Variants in SEC23IP observed in about 807,000 individuals in gnomAD.
SEC23IP encodes SEC23-interacting protein.
SEC23IP carries 70 observed loss-of-function variants against 113.4 expected under a neutral mutation model. That is an observed-to-expected ratio of 0.62 (90% confidence interval 0.51 to 0.75). The LOEUF is 0.75. Among genes scored for constraint, SEC23IP ranks in the 30% least tolerant of loss-of-function variants. The probability of loss-of-function intolerance (pLI) is 0.00; values close to 1 mark genes in which losing one functional copy is unlikely to be tolerated. For missense variants in SEC23IP, 1,160 were observed against 1,204.9 expected (o/e 0.96, Z 0.55); for synonymous variants, 398 against 421.0 (o/e 0.95, Z 0.67).
chr10:119,917,307 C>A (rs1855085151), intron 8 of SEC23IP, among the ~76,000 whole-genome samples: 1 of 151,930 alleles, frequency 6.6e-6, no homozygotes, highest in Admixed American at 6.6e-5. Flanking sequence ...TCAAGCGATT[C>A]TCATGCCTCA....
At chr10:119,924,579 C>T (rs541798997) in intron 12 of SEC23IP, among the ~76,000 whole-genome samples, 49 of 151,872 alleles carry the variant, frequency 3.2e-4, no homozygotes, top group East Asian at 2.7e-3. Flanking sequence ...CCACCATGCC[C>T]GGGTAATTTT....
At chr10:119,896,752 C>G (rs985553463) in intron 1 of SEC23IP, among the ~76,000 whole-genome samples, 5 of 150,546 alleles carry the variant, frequency 3.3e-5, no homozygotes, top group African/African-American at 1.2e-4. Flanking sequence ...TCAAGTTTTT[C>G]TAAAGGATGA....
chr10:119,917,861 AG>A lies in SEC23IP; in HGVS notation c.1571del (p.Ser524IlefsTer14), dbSNP rs1212706608. Reference sequence around the variant, plus strand: ...GAATATTAAGAAAATCACTTTGCCAAGTATTGGTCGATTTCGTCACTTTACC... The same window carrying A: ...GAATATTAAGAAAATCACTTTGCCAATATTGGTCGATTTCGTCACTTTACC... ...DRNIKKITLP[S>X]IGRFRHFTNE... On this transcript the variant is annotated frameshift_variant, in exon 9 of 19. Transcript: ENST00000369075. LOFTEE classifies it high-confidence loss of function. 1 of 1,613,952 alleles carries A rather than the reference AG, an allele frequency of 6.2e-7. No individual in the cohort carries two copies. Among genetic ancestry groups the A allele is most frequent in the Non-Finnish European group, 8.5e-7 (1 of 1,179,888 alleles).
intron 15 of SEC23IP, among the ~76,000 whole-genome samples, chr10:119,931,308 C>A (rs906381741): frequency 2.7e-5 from 4 of 148,190 alleles, no homozygotes; most frequent in Admixed American, 6.8e-5. Context: ...AAAACCACTT[C>A]CTGTTTACAG....
chr10:119,920,675 T>C (rs1855224732), intron 11 of SEC23IP, among the ~76,000 whole-genome samples: 1 of 152,244 alleles, frequency 6.6e-6, no homozygotes, highest in African/African-American at 2.4e-5. Context: ...CATATGTGTA[T>C]TTTCTGTTAA....
At chr10:119,896,771 A>T in intron 1 of SEC23IP, among the ~76,000 whole-genome samples, 1 of 149,284 alleles carries the variant, frequency 6.7e-6, no homozygotes, top group African/African-American at 2.5e-5. Context: ...GAAAGATACC[A>T]CTGAGTTTTT....
chr10:119,918,475 T>C lies in SEC23IP; in HGVS notation c.1836T>C (p.Asn612=), dbSNP rs1205480013. 5.6e-6 allele frequency: 9 copies of C among 1,613,486 alleles called. No homozygotes were observed. The highest frequency in any genetic ancestry group is 4.5e-5 in the East Asian group (2 of 44,890). The change falls in exon 10 of 19, where the codon AAT becomes AAC. Residue 612 remains asparagine, a synonymous_variant. Transcript: ENST00000369075. ...SKCPGPLAVA[N]GVVKQLHFQE... ...GCCCTGGACCTCTTGCTGTTGCTAA[T>C]GGAGTTGTGAAGCAGCTACATTTTC...
At chr10:119,899,330 C>T (rs12257358) in intron 2 of SEC23IP, among the ~76,000 whole-genome samples, 1 of 152,026 alleles carries the variant, frequency 6.6e-6, no homozygotes, top group Non-Finnish European at 1.5e-5. Context: ...TCAATCAAAA[C>T]ACTCAATTAC....
intron 12 of SEC23IP, among the ~76,000 whole-genome samples, chr10:119,922,249 A>C (rs1564919096): frequency 6.6e-6 from 1 of 152,138 alleles, no homozygotes; most frequent in Non-Finnish European, 1.5e-5. Flanking sequence ...GGGTAAGGTC[A>C]GGGGAGATGG....
chr10:119,933,676 CT>C lies in SEC23IP; in HGVS notation c.2922-6del, dbSNP rs1284040138. The C allele has an allele frequency of 2.1e-6, 3 of 1,454,774 alleles. No individual in the cohort carries two copies. The highest frequency in any genetic ancestry group is 2.9e-6 in the Non-Finnish European group (3 of 1,037,302). 90.1% of individuals were successfully genotyped at this position (1,454,774 alleles called of 1,614,324 possible). A position where few individuals can be genotyped will look rare whatever the true frequency, so the allele number is the denominator to read the frequency against. The stretch of plus-strand genomic sequence containing the variant: ...TGTCTCTTAAGTAAATATGCTTTTC[CT>C]TTTCATAGGGAATCTGAAGATACTG... On this transcript the variant is annotated splice_polypyrimidine_tract_variant and intron_variant, in intron 17 of 18. Coordinates refer to ENST00000369075, the MANE Select transcript of SEC23IP (RefSeq NM_007190.4).
chr10:119,910,594 A>G (rs1198028333), intron 5 of SEC23IP, among the ~76,000 whole-genome samples: 1 of 152,228 alleles, frequency 6.6e-6, no homozygotes, highest in African/African-American at 2.4e-5. Context: ...AACAAAATGT[A>G]AACAGTTTAA....
At position 119,916,545 on chromosome 10, in the gene SEC23IP, C is replaced by T. The variant is rs115422507; in HGVS notation, c.1544+656C>T. ...TTAATAAAACTATTTCTACAAACAG[C>T]GTTTTGTCTATGTTAGGCCCTATTG... On this transcript the variant is annotated intron_variant, in intron 8 of 18. Coordinates refer to ENST00000369075, the MANE Select transcript of SEC23IP (RefSeq NM_007190.4). 2.2e-3 allele frequency among the ~76,000 whole-genome samples: 341 copies of T among 152,216 alleles called. 1 individual carries two copies. Among genetic ancestry groups the T allele is most frequent in the African/African-American group, 7.2e-3 (301 of 41,544 alleles).
intron 4 of SEC23IP, among the ~76,000 whole-genome samples, chr10:119,906,254 C>T (rs577542388): frequency 7.0e-6 from 1 of 142,460 alleles, no homozygotes; most frequent in Admixed American, 7.3e-5. Context: ...AGCACTTTAG[C>T]CTGGGCAACA....
At position 119,929,648 on chromosome 10, in the gene SEC23IP, A is replaced by G. The variant is rs186551854; in HGVS notation, c.2355A>G (p.Ile785Met). Residue 785 changes from isoleucine to methionine, a missense_variant, in exon 14 of 19, where the codon ATA becomes ATG. Transcript: ENST00000369075. ...AYNSLDFEPE[I>M]FFALGSPIAM... is the part of the protein sequence containing the mutation. ...ACTCATTAGATTTTGAACCAGAGAT[A>G]TTCTTTGCCTTGGGGTCTCCAATTG... The G allele has an allele frequency of 7.1e-5, 115 of 1,610,514 alleles. No homozygotes were observed. The East Asian group carries it at 2.0e-3, about 28-fold the overall frequency.
chr10:119,936,054 T>C (rs1855768546), intron 18 of SEC23IP, among the ~76,000 whole-genome samples: 1 of 152,254 alleles, frequency 6.6e-6, no homozygotes, highest in South Asian at 2.1e-4. Flanking sequence ...CAGTGATACG[T>C]GATATTTTAA....
intron 4 of SEC23IP, among the ~76,000 whole-genome samples, chr10:119,905,419 A>G (rs1854631160): frequency 6.6e-6 from 1 of 152,186 alleles, no homozygotes; most frequent in African/African-American, 2.4e-5. Context: ...TTGATTTTAT[A>G]TGGGTGACAT....
chr10:119,900,518 G>T (rs902495133), intron 2 of SEC23IP, among the ~76,000 whole-genome samples: 2 of 151,812 alleles, frequency 1.3e-5, no homozygotes, highest in African/African-American at 2.4e-5. Context: ...TCACTATGTT[G>T]CCCAGGCTGG....
At chr10:119,914,662 A>C in intron 6 of SEC23IP, 68 bp from the exon 7 acceptor site, 1 of 1,264,838 alleles carries the variant, frequency 7.9e-7, no homozygotes, top group Non-Finnish European at 1.2e-6. Context: ...GATATCTAGA[A>C]TATTGCCATT....
Position 119,942,358 on chromosome 10 carries a change from T to G in SEC23IP, c.*1793T>G, listed in dbSNP as rs1855990296. The G allele has an allele frequency of 6.6e-6, 1 of 152,072 alleles. No individual in the cohort carries two copies. Among genetic ancestry groups the G allele is most frequent in the African/African-American group, 2.4e-5 (1 of 41,406 alleles). 9.4% of individuals were successfully genotyped at this position (152,072 alleles called of 1,614,324 possible). A position where few individuals can be genotyped will look rare whatever the true frequency, so the allele number is the denominator to read the frequency against. ...ATATATATATATACACACACACATA[T>G]GTATGTATGTATGTATTACTATTCA... is the stretch of plus-strand genomic sequence containing the variant. On this transcript the variant is annotated 3_prime_UTR_variant, in exon 19 of 19. Transcript: ENST00000369075.
Sources: allele counts gnomAD v4.1 joint callset (sites outside exome capture counted in the v4.1 genomes callset), GRCh38; gene constraint gnomAD v4.1.1; transcripts MANE v1.5; gene names NCBI Gene and HGNC (gene_info 2026-07-23, HGNC 2026-07-21).